AFF4: variants seen among roughly 807,000 people sequenced by gnomAD.
AFF4 encodes the protein ALF transcription elongation factor 4, also known as AF4/FMR2 family member 4.
In AFF4, 13 loss-of-function variants were observed where a neutral mutation model predicts 124.8. The observed-to-expected ratio is 0.10, with a 90% CI of 0.07 to 0.17. AFF4 has a LOEUF of 0.17. Among genes scored for constraint, AFF4 ranks in the 10% least tolerant of loss-of-function variants. AFF4 has a pLI of 1.00. For missense variants in AFF4, 1,092 were observed against 1,403.8 expected, an observed-to-expected ratio of 0.78 and a Z score of 3.55; for synonymous variants, 477 against 496.1, an observed-to-expected ratio of 0.96 and a Z score of 0.51.
At chr5:132,892,909 T>C (rs989162652) in intron 12 of AFF4, 121 bp downstream of exon 12, 4 of 875,598 alleles carry the variant, frequency 4.6e-6, no homozygotes, top group South Asian at 1.5e-5. Flanking sequence ...ATGTTATGTG[T>C]ATGCATTTAT....
chr5:132,882,630 G>A (rs1760009188), intron 20 of AFF4, among the ~76,000 whole-genome samples: 2 of 152,044 alleles, frequency 1.3e-5, no homozygotes, highest in African/African-American at 4.8e-5. Context: ...GCTGAGATGG[G>A]CAGATCACGA....
intron 5 of AFF4, among the ~76,000 whole-genome samples, chr5:132,904,826 G>A (rs557148084): frequency 2.0e-5 from 3 of 152,036 alleles, no homozygotes; most frequent in South Asian, 2.1e-4. Context: ...CGAGGCTGGC[G>A]GATCATGAGG....
intron 1 of AFF4, among the ~76,000 whole-genome samples, chr5:132,940,452 G>A (rs956342083): frequency 2.0e-5 from 3 of 151,960 alleles, no homozygotes; most frequent in East Asian, 3.9e-4. Context: ...AGTGAGTCGA[G>A]ATCGCACCAC....
chr5:132,881,790 G>A (rs978145891), intron 20 of AFF4, among the ~76,000 whole-genome samples: 3 of 151,000 alleles, frequency 2.0e-5, no homozygotes, highest in South Asian at 2.1e-4. Context: ...GGGTTCAAGC[G>A]ATTCTGCTGC....
Position 132,881,088 on chromosome 5 carries a change from G to A in AFF4, c.3463C>T (p.Leu1155Phe). 6.2e-7 allele frequency: 1 copy of A among 1,614,000 alleles called. No individual in the cohort carries two copies. The highest frequency in any genetic ancestry group is 8.5e-7 in the Non-Finnish European group (1 of 1,179,980). ...VRYTRQGLHWLRQDAKLIS is the reference protein window; with the variant it reads ...VRYTRQGLHWFRQDAKLIS ...GATATCAACTTGGCATCCTGGCGAAGCCAGTGCAGTCCCTGCCGGGTATAA... is the reference window on the plus strand; with the variant it reads ...GATATCAACTTGGCATCCTGGCGAAACCAGTGCAGTCCCTGCCGGGTATAA... Residue 1155 changes from leucine (L) to phenylalanine (F), a missense_variant, in exon 21 of 21, where the codon CTT becomes TTT. This residue lies in a region of AFF4 where 173 missense variants were observed against 294.9 expected (regional missense o/e 0.59). Coordinates refer to ENST00000265343, the MANE Select transcript of AFF4 (RefSeq NM_014423.4).
intron 1 of AFF4, among the ~76,000 whole-genome samples, chr5:132,949,080 A>G (rs1761767815): frequency 6.6e-6 from 1 of 151,982 alleles, no homozygotes. Flanking sequence ...GGACTCAGTG[A>G]CGGGTCTAAA....
In AFF4 at chr5:132,879,049, T is replaced by A. The variant is rs1444320355; in HGVS notation, c.*2010A>T. On this transcript the variant is annotated 3_prime_UTR_variant, in exon 21 of 21. Coordinates refer to ENST00000265343, the MANE Select transcript of AFF4 (RefSeq NM_014423.4). ...GAGAAGTTGTCCTCTTATGGAAAAC[T>A]GTTCCTAGAACACACTAAGATTAAG... 1 of 222,512 alleles carries A rather than the reference T, an allele frequency of 4.5e-6. No individual in the cohort carries two copies. 13.8% of individuals were successfully genotyped at this position (222,512 alleles called of 1,614,324 possible).
chr5:132,877,383 T>G lies in AFF4; in HGVS notation c.*3676A>C. On this transcript the variant is annotated 3_prime_UTR_variant, in exon 21 of 21. Transcript: ENST00000265343. ...TTTAACAATCTAAAGGAATACACATTGCACCCTTGAACATTAATATTCAAG... is the reference window on the plus strand; with the variant it reads ...TTTAACAATCTAAAGGAATACACATGGCACCCTTGAACATTAATATTCAAG... 1 of 217,032 alleles carries G rather than the reference T, an allele frequency of 4.6e-6. No individual in the cohort carries two copies. Among genetic ancestry groups the G allele is most frequent in the Non-Finnish European group, 9.3e-6 (1 of 107,690 alleles). The allele number at this position is 217,032 out of a possible 1,614,324, so 13.4% of individuals were successfully genotyped here.
rs1281101050 is a variant in AFF4, at chr5:132,883,395, G to C, written c.3309C>G (p.Phe1103Leu). 5 of 1,613,944 alleles carry C rather than the reference G, an allele frequency of 3.1e-6. No homozygotes were observed. The African/African-American group carries it at 6.7e-5, about 22-fold the overall frequency. The change falls in exon 20 of 21, where the codon TTC becomes TTG. Residue 1103 changes from phenylalanine (F) to leucine (L), a missense_variant. By Grantham distance (22) the Phe-to-Leu change is conservative. Transcript: ENST00000265343. ...GGTCCCAAATTTCGGTGGCATAGAG[G>C]AAGTTGGATGTGACCTGAACATAGC... is the stretch of plus-strand genomic sequence containing the variant. ...AASYVQVTSN[F>L]LYATEIWDQA...
At chr5:132,940,547 T>C (rs1251923632) in intron 1 of AFF4, among the ~76,000 whole-genome samples, 1 of 152,140 alleles carries the variant, frequency 6.6e-6, no homozygotes, top group African/African-American at 2.4e-5. Context: ...GATTTTATTT[T>C]ATAGATTGAG....
chr5:132,943,845 G>T, intron 1 of AFF4: 1 of 234,714 alleles, frequency 4.3e-6, no homozygotes, highest in South Asian at 8.4e-5. Context: ...ATTGCCACAT[G>T]GCTCACACTG....
chr5:132,887,487 G>C, intron 17 of AFF4, 34 bp downstream of exon 17: 1 of 1,563,600 alleles, frequency 6.4e-7, no homozygotes, highest in Non-Finnish European at 8.8e-7. Flanking sequence ...AGAACTTCCT[G>C]TATCTAGCAG....
chr5:132,883,218 A>G (rs912690530), intron 20 of AFF4, 122 bp downstream of exon 20: 2 of 965,796 alleles, frequency 2.1e-6, no homozygotes, highest in African/African-American at 1.7e-5. Context: ...GACTATTAAC[A>G]AACAGATTAT....
chr5:132,948,961 AAT>A (rs1415030197), intron 1 of AFF4, among the ~76,000 whole-genome samples: 1 of 152,090 alleles, frequency 6.6e-6, no homozygotes. Context: ...GATTCCACAC[AAT>A]GTTTATGGAC....
At chr5:132,902,395 T>G (rs555169264) in intron 7 of AFF4, 47 bp downstream of exon 7, 1 of 1,493,388 alleles carries the variant, frequency 6.7e-7, no homozygotes, top group East Asian at 2.3e-5. Context: ...TACAGGTAAC[T>G]TTTAGCAAAA....
chr5:132,902,375 A>G (rs1760572632), intron 7 of AFF4, 67 bp downstream of exon 7: 1 of 1,288,642 alleles, frequency 7.8e-7, no homozygotes, highest in Admixed American at 1.7e-5. Context: ...TGTTCAAAAT[A>G]CCTAGATATT....
intron 1 of AFF4, among the ~76,000 whole-genome samples, chr5:132,959,692 G>C (rs1407704296): frequency 6.6e-6 from 1 of 150,510 alleles, no homozygotes; most frequent in African/African-American, 2.4e-5. Context: ...CCGTGTACTA[G>C]AGTATCACTT....
chr5:132,913,829 T>C (rs1760848747), intron 5 of AFF4, among the ~76,000 whole-genome samples: 2 of 152,290 alleles, frequency 1.3e-5, no homozygotes, highest in South Asian at 2.1e-4. Context: ...TCTCATACAA[T>C]GTATGCTTCA....
At chr5:132,889,046 T>C (rs1416316609) in intron 14 of AFF4, 33 bp downstream of exon 14, 4 of 1,572,102 alleles carry the variant, frequency 2.5e-6, no homozygotes, top group Non-Finnish European at 2.6e-6. Flanking sequence ...AATCATTTCT[T>C]AAATACAGAT....
Sources: gnomAD v4.1 joint callset for allele counts (sites outside exome capture counted in the v4.1 genomes callset) on GRCh38, gnomAD v4.1.1 for gene constraint, gnomAD v4.1.1 regional missense constraint, MANE v1.5 for transcripts, NCBI Gene and HGNC (gene_info 2026-07-23, HGNC 2026-07-21) for gene names.